TAFA2: variants seen among roughly 807,000 people sequenced by gnomAD.
TAFA2 encodes chemokine-like protein TAFA-2.
A neutral mutation model predicts 18.8 loss-of-function variants in TAFA2; 7 were observed. The observed-to-expected ratio is 0.37, with a 90% CI of 0.21 to 0.70. The LOEUF (loss-of-function observed/expected upper bound fraction) is 0.70. Among genes scored for constraint, TAFA2 ranks in the 30% least tolerant of loss-of-function variants. The pLI, the probability that TAFA2 is intolerant of heterozygous loss-of-function variation, is 0.53. For missense variants in TAFA2, 122 were observed against 158.1 expected (o/e 0.77, Z 1.23); for synonymous variants, 60 against 54.2 (o/e 1.11, Z -0.47).
intron 2 of TAFA2, among the ~76,000 whole-genome samples, chr12:61,822,170 T>C (rs764577215): frequency 2.0e-5 from 3 of 152,156 alleles, no homozygotes; most frequent in Non-Finnish European, 2.9e-5. Context: ...AATCTGTGGC[T>C]ACTATAGGTT....
chr12:62,127,694 T>A (rs1286875075), intron 1 of TAFA2, among the ~76,000 whole-genome samples: 1 of 151,944 alleles, frequency 6.6e-6, no homozygotes, highest in Non-Finnish European at 1.5e-5. Flanking sequence ...TGCTCCCAAG[T>A]CAAAATGCCT....
At chr12:61,959,904 C>T (rs1434074290) in intron 1 of TAFA2, among the ~76,000 whole-genome samples, 1 of 151,506 alleles carries the variant, frequency 6.6e-6, no homozygotes, top group Non-Finnish European at 1.5e-5. Flanking sequence ...ACTGTGTTGC[C>T]CAGGCTGGAG....
In TAFA2 at chr12:61,912,607, C is replaced by T. The variant is rs570928283; in HGVS notation, c.-1-45181G>A. On this transcript the variant is annotated intron_variant, in intron 1 of 4. Coordinates refer to ENST00000416284, the MANE Select transcript of TAFA2 (RefSeq NM_178539.5). The stretch of plus-strand genomic sequence containing the variant: ...TATTCATGAGAGAGAAGAAAGCCAA[C>T]CAAATGCCCAGACATTGTTGCTCGT... 6.6e-5 allele frequency among the ~76,000 whole-genome samples: 10 copies of T among 152,220 alleles called. No homozygotes were observed. The East Asian group carries it at 1.7e-3, about 26-fold the overall frequency.
At chr12:62,198,556 C>T (rs1008069223) in intron 1 of TAFA2, 26 of 152,160 alleles carry the variant, frequency 1.7e-4, no homozygotes, top group African/African-American at 6.3e-4. Flanking sequence ...TAGTTCTTAG[C>T]TTGTAGGATT....
In TAFA2 at chr12:62,235,173, T is replaced by C. The variant is rs573087106; in HGVS notation, c.-130+23590A>G. On this transcript the variant is annotated intron_variant, in intron 1 of 5. Transcript: ENST00000551619. ...CTCTTGCTGAGGGGGAGACACTCCCTGACAGTAAATCATCCGGAAAGGAGT... is the reference window on the plus strand; with the variant it reads ...CTCTTGCTGAGGGGGAGACACTCCCCGACAGTAAATCATCCGGAAAGGAGT... The C allele has an allele frequency of 2.3e-4, 152 of 666,946 alleles. 2 individuals are homozygous for C. The East Asian group carries it at 3.5e-3, about 15-fold the overall frequency. The allele number at this position is 666,946 out of a possible 1,614,324, so 41.3% of individuals were successfully genotyped here.
chr12:61,709,282 A>C lies in TAFA2; in HGVS notation c.*1124T>G, dbSNP rs1488062572. Reference sequence around the variant, plus strand: ...AATGTCACAAAATATTGGCCTAACAAATTGTTTGAATAGGAAAACTGTAAG... The same window carrying C: ...AATGTCACAAAATATTGGCCTAACACATTGTTTGAATAGGAAAACTGTAAG... On this transcript the variant is annotated 3_prime_UTR_variant, in exon 5 of 5. Coordinates refer to ENST00000416284, the MANE Select transcript of TAFA2 (RefSeq NM_178539.5). 1 of 152,526 alleles carries C rather than the reference A, an allele frequency of 6.6e-6. No homozygotes were observed. Among genetic ancestry groups the C allele is most frequent in the African/African-American group, 2.4e-5 (1 of 41,452 alleles). 9.4% of individuals were successfully genotyped at this position (152,526 alleles called of 1,614,324 possible). A position where few individuals can be genotyped will look rare whatever the true frequency, so the allele number is the denominator to read the frequency against.
chr12:61,798,279 G>C (rs1871270442), intron 2 of TAFA2, among the ~76,000 whole-genome samples: 2 of 151,302 alleles, frequency 1.3e-5, no homozygotes, highest in South Asian at 4.2e-4. Flanking sequence ...TCTTTTTTTT[G>C]TGTGTATGAG....
rs909327491 is a variant in TAFA2, at chr12:61,841,571, A to G, written c.106+25749T>C. On this transcript the variant is annotated intron_variant, in intron 2 of 4. Transcript: ENST00000416284. ...GCTTTGCAGTATATTTTGAAATCAGATAGTGCAATGCCTCCAGGTTTGTTC... is the reference window on the plus strand; with the variant it reads ...GCTTTGCAGTATATTTTGAAATCAGGTAGTGCAATGCCTCCAGGTTTGTTC... Among the ~76,000 whole-genome samples the G allele has an allele frequency of 5.9e-5, 9 of 152,174 alleles. No individual in the cohort carries two copies. In the South Asian group the frequency reaches 1.5e-3, roughly 25 times the overall value.
At chr12:61,926,048 T>C (rs1877275981) in intron 1 of TAFA2, among the ~76,000 whole-genome samples, 1 of 152,116 alleles carries the variant, frequency 6.6e-6, no homozygotes, top group African/African-American at 2.4e-5. Context: ...AAATACAAAC[T>C]ACCATCAGAG....
intron 1 of TAFA2, among the ~76,000 whole-genome samples, chr12:62,250,898 A>G (rs2062910256): frequency 1.3e-5 from 2 of 149,252 alleles, no homozygotes; most frequent in African/African-American, 4.9e-5. Context: ...AGGATGAGAG[A>G]TATGTGGAAC....
At chr12:61,983,963 C>T (rs1161074853) in intron 1 of TAFA2, among the ~76,000 whole-genome samples, 1 of 152,128 alleles carries the variant, frequency 6.6e-6, no homozygotes, top group Non-Finnish European at 1.5e-5. Flanking sequence ...CATTCTCTCA[C>T]CTCATCCCTG....
intron 1 of TAFA2, among the ~76,000 whole-genome samples, chr12:62,076,355 T>C (rs1868248698): frequency 6.6e-6 from 1 of 152,194 alleles, no homozygotes; most frequent in Admixed American, 6.5e-5. Context: ...ATTTAAGGCA[T>C]TAGAAACAGA....
At chr12:61,917,607 G>T (rs576391188) in intron 1 of TAFA2, among the ~76,000 whole-genome samples, 1 of 152,288 alleles carries the variant, frequency 6.6e-6, no homozygotes, top group Non-Finnish European at 1.5e-5. Flanking sequence ...AGCTTGGCAG[G>T]CGGATATTGA....
chr12:62,124,108 T>C (rs138401721), intron 1 of TAFA2, among the ~76,000 whole-genome samples: 1 of 152,274 alleles, frequency 6.6e-6, no homozygotes, highest in African/African-American at 2.4e-5. Context: ...TGCCCCTGCT[T>C]ATTTCCATTT....
chr12:61,879,783 TG>T, intron 1 of TAFA2: 2 of 1,474,956 alleles, frequency 1.4e-6, no homozygotes, highest in Non-Finnish European at 1.9e-6. Flanking sequence ...CTGGAGACTC[TG>T]GGCCAGGAGA....
intron 2 of TAFA2, among the ~76,000 whole-genome samples, chr12:61,850,261 T>C (rs1873587963): frequency 6.6e-6 from 1 of 152,100 alleles, no homozygotes; most frequent in Non-Finnish European, 1.5e-5. Context: ...CTTCTCTAAG[T>C]AAGTAAGCAT....
chr12:62,163,921 G>GAAA (rs748084689), intron 1 of TAFA2, among the ~76,000 whole-genome samples: 13 of 151,942 alleles, frequency 8.6e-5, no homozygotes, highest in Non-Finnish European at 1.9e-4. Context: ...GGAGAAGTAA[G>GAAA]AAAAAAAGTT....
chr12:61,922,275 C>T (rs1044304495), intron 1 of TAFA2, among the ~76,000 whole-genome samples: 1 of 152,092 alleles, frequency 6.6e-6, no homozygotes, highest in Non-Finnish European at 1.5e-5. Flanking sequence ...AAGTTATCTC[C>T]TCGGGGTGAA....
At chr12:62,045,737 G>A (rs2136766269) in intron 1 of TAFA2, among the ~76,000 whole-genome samples, 1 of 152,178 alleles carries the variant, frequency 6.6e-6, no homozygotes, top group South Asian at 2.1e-4. Flanking sequence ...AGAATCTAAT[G>A]TTTTTTTCTT....
Sources: gnomAD v4.1 joint callset for allele counts (sites outside exome capture counted in the v4.1 genomes callset) on GRCh38, gnomAD v4.1.1 for gene constraint, MANE v1.5 for transcripts, NCBI Gene and HGNC (gene_info 2026-07-23, HGNC 2026-07-21) for gene names.